Variants in ADAMTS20 observed in about 807,000 individuals in gnomAD.
ADAMTS20 encodes ADAM metallopeptidase with thrombospondin type 1 motif 20.
A neutral mutation model predicts 260.1 loss-of-function variants in ADAMTS20; 225 were observed. That is an observed-to-expected ratio of 0.87 (90% CI 0.78 to 0.97). The LOEUF (loss-of-function observed/expected upper bound fraction) is 0.97, where lower values mean the gene tolerates loss of function less well. Among genes scored for constraint, ADAMTS20 ranks in the 50% least tolerant of loss-of-function variants. The pLI is 0.00. For missense variants in ADAMTS20, 2,400 were observed against 2,337.7 expected (o/e 1.03, Z -0.55); for synonymous variants, 802 against 769.5 (o/e 1.04, Z -0.70).
At chr12:43,402,375 A>T (rs1323443967) in intron 28 of ADAMTS20, among the ~76,000 whole-genome samples, 2 of 152,036 alleles carry the variant, frequency 1.3e-5, no homozygotes, top group Non-Finnish European at 2.9e-5. Context: ...AAGAATTATA[A>T]AATAAATTAT....
intron 2 of ADAMTS20, among the ~76,000 whole-genome samples, chr12:43,534,374 A>G (rs1233643924): frequency 6.6e-6 from 1 of 152,232 alleles, no homozygotes; most frequent in African/African-American, 2.4e-5. Flanking sequence ...TAGTGTTGAA[A>G]ATATGTCAGT....
chr12:43,429,755 CATTA>C (rs775843358), intron 23 of ADAMTS20, 31 bp from the exon 24 acceptor site: 287 of 1,381,964 alleles, frequency 2.1e-4, no homozygotes, highest in Non-Finnish European at 2.6e-4. Flanking sequence ...TCTCGTAAAA[CATTA>C]ATTAATGACT....
chr12:43,363,335 G>T (rs1238256382), intron 37 of ADAMTS20, among the ~76,000 whole-genome samples: 1 of 152,142 alleles, frequency 6.6e-6, no homozygotes, highest in African/African-American at 2.4e-5. Context: ...AGAGTCTGAA[G>T]CTCCCTTCTT....
intron 29 of ADAMTS20, among the ~76,000 whole-genome samples, chr12:43,396,188 C>A (rs567098591): frequency 6.6e-6 from 1 of 151,768 alleles, no homozygotes; most frequent in African/African-American, 2.4e-5. Context: ...CATTAAAATG[C>A]GTTACTAAAT....
intron 2 of ADAMTS20, among the ~76,000 whole-genome samples, chr12:43,536,411 A>G (rs1943295585): frequency 6.6e-6 from 1 of 152,222 alleles, no homozygotes; most frequent in African/African-American, 2.4e-5. Context: ...ATACAGAGAT[A>G]AATGTGACAA....
intron 2 of ADAMTS20, among the ~76,000 whole-genome samples, chr12:43,535,275 G>C (rs1169354051): frequency 6.6e-6 from 1 of 152,096 alleles, no homozygotes; most frequent in African/African-American, 2.4e-5. Flanking sequence ...TAAGCAGTAG[G>C]TATTTGTTAA....
intron 28 of ADAMTS20, among the ~76,000 whole-genome samples, chr12:43,418,073 T>C (rs1446533964): frequency 2.6e-5 from 4 of 152,214 alleles, no homozygotes; most frequent in African/African-American, 9.6e-5. Flanking sequence ...AAGTTTAAAA[T>C]CATAATGATG....
chr12:43,439,771 A>G lies in ADAMTS20; in HGVS notation c.2464-20T>C. Reference sequence around the variant, plus strand: ...CAACACCTCAATAAGAATATAAAAGAACATACAATTAATACATAAAAATAT... The same window carrying G: ...CAACACCTCAATAAGAATATAAAAGGACATACAATTAATACATAAAAATAT... On this transcript the variant is annotated intron_variant, in intron 17 of 38. Coordinates refer to ENST00000389420, the MANE Select transcript of ADAMTS20 (RefSeq NM_025003.5). The G allele has an allele frequency of 6.3e-7, 1 of 1,594,844 alleles. No individual in the cohort carries two copies. The highest frequency in any genetic ancestry group is 8.5e-7 in the Non-Finnish European group (1 of 1,170,868).
chr12:43,513,403 G>A (rs1510521), intron 3 of ADAMTS20, among the ~76,000 whole-genome samples: 105,514 of 152,030 alleles, frequency 0.69, 36,945 homozygotes, highest in East Asian at 0.99. Flanking sequence ...GTTCATTCAC[G>A]AACTCAAAGC....
intron 29 of ADAMTS20, among the ~76,000 whole-genome samples, chr12:43,394,208 A>G (rs1215138161): frequency 6.6e-6 from 1 of 152,102 alleles, no homozygotes; most frequent in Admixed American, 6.6e-5. Context: ...GAAAAATAAA[A>G]GTCTTTGTAG....
intron 37 of ADAMTS20, among the ~76,000 whole-genome samples, chr12:43,361,504 C>T (rs1939867026): frequency 6.6e-6 from 1 of 152,236 alleles, no homozygotes; most frequent in African/African-American, 2.4e-5. Context: ...AGACATCTCG[C>T]CCCAGTGGGC....
intron 28 of ADAMTS20, among the ~76,000 whole-genome samples, chr12:43,424,255 A>G (rs1941288815): frequency 6.6e-6 from 1 of 152,142 alleles, no homozygotes; most frequent in Non-Finnish European, 1.5e-5. Flanking sequence ...ATGGTAATCA[A>G]AATGCCTATT....
intron 29 of ADAMTS20, among the ~76,000 whole-genome samples, chr12:43,388,796 A>T (rs2137235656): frequency 6.6e-6 from 1 of 152,272 alleles, no homozygotes; most frequent in South Asian, 2.1e-4. Context: ...TGTCTCACAC[A>T]CCAGAAATTT....
At chr12:43,416,151 C>G (rs989935218) in intron 28 of ADAMTS20, among the ~76,000 whole-genome samples, 1 of 152,212 alleles carries the variant, frequency 6.6e-6, no homozygotes, top group Non-Finnish European at 1.5e-5. Context: ...ACTCTACCTA[C>G]AGACACTTGA....
chr12:43,364,984 A>G (rs1587567), intron 37 of ADAMTS20, among the ~76,000 whole-genome samples: 34,183 of 151,966 alleles, frequency 0.22, 4,588 homozygotes, highest in African/African-American at 0.37. Flanking sequence ...ATTGAAAGAC[A>G]AATGCAAAGA....
intron 8 of ADAMTS20, among the ~76,000 whole-genome samples, chr12:43,467,779 T>C (rs1237121164): frequency 6.6e-6 from 1 of 152,148 alleles, no homozygotes; most frequent in Non-Finnish European, 1.5e-5. Flanking sequence ...GAAGAGATGA[T>C]CGTTTACTAA....
At position 43,446,773 on chromosome 12, in the gene ADAMTS20, G is replaced by C. The variant is rs750579218; in HGVS notation, c.2080-61C>G. ...GACTAATTATGAAGAAAAGAGAGAA[G>C]ATCCAAATACATACAATCAGATATG... On this transcript the variant is annotated intron_variant, in intron 14 of 38. Transcript: ENST00000389420. The C allele has an allele frequency of 3.8e-6, 5 of 1,329,070 alleles. No individual in the cohort carries two copies. In the East Asian group the frequency reaches 9.5e-5, roughly 25 times the overall value. The allele number at this position is 1,329,070 out of a possible 1,614,324, so 82.3% of individuals were successfully genotyped here. A position where few individuals can be genotyped will look rare whatever the true frequency, so the allele number is the denominator to read the frequency against.
At chr12:43,405,229 CAAAA>C (rs869040570) in intron 28 of ADAMTS20, among the ~76,000 whole-genome samples, 11 of 52,782 alleles carry the variant, frequency 2.1e-4, no homozygotes, top group Admixed American at 8.6e-4. Flanking sequence ...CTCATCTCTA[CAAAA>C]AAAAAAAAAA....
rs150938655 is a variant in ADAMTS20, at chr12:43,499,098, A to G, written c.867+3054T>C. ...CTTCTTAGGAAGAAAGAAAGCATAT[A>G]CAAAAACTCAAAGTATCTCAAAAGG... On this transcript the variant is annotated intron_variant, in intron 4 of 38. Coordinates refer to ENST00000389420, the MANE Select transcript of ADAMTS20 (RefSeq NM_025003.5). 1.6e-4 allele frequency among the ~76,000 whole-genome samples: 25 copies of G among 152,292 alleles called. No individual in the cohort carries two copies. The East Asian group carries it at 4.8e-3, about 29-fold the overall frequency.
Sources: allele counts gnomAD v4.1 joint callset (sites outside exome capture counted in the v4.1 genomes callset), GRCh38; gene constraint gnomAD v4.1.1; transcripts MANE v1.5; gene names NCBI Gene and HGNC (gene_info 2026-07-23, HGNC 2026-07-21).